AFF1: variants seen among roughly 807,000 people sequenced by gnomAD.
AFF1 encodes the protein ALF transcription elongation factor 1, also known as AF4/FMR2 family member 1.
In AFF1, 48 loss-of-function variants were observed where a neutral mutation model predicts 121.7. The observed-to-expected ratio is 0.39, with a 90% CI of 0.31 to 0.50. The LOEUF (loss-of-function observed/expected upper bound fraction) is 0.50. Ranked by LOEUF, AFF1 falls within the 20% of genes least tolerant of loss-of-function variation. The pLI is 0.76. For synonymous variants in AFF1, 613 were observed against 563.0 expected, an observed-to-expected ratio of 1.09 and a Z score of -1.26; for missense variants, 1,523 against 1,511.7, an observed-to-expected ratio of 1.01 and a Z score of -0.12.
At chr4:87,053,789 T>C (rs1731492235) in intron 4 of AFF1, among the ~76,000 whole-genome samples, 1 of 152,228 alleles carries the variant, frequency 6.6e-6, no homozygotes, top group African/African-American at 2.4e-5. Flanking sequence ...ATTAGTCAAG[T>C]AATCACTCAG....
chr4:87,125,084 G>A lies in AFF1; in HGVS notation c.2514G>A (p.Lys838=), dbSNP rs927311392. 3 of 1,610,114 alleles carry A rather than the reference G, an allele frequency of 1.9e-6. No individual in the cohort carries two copies. The highest frequency in any genetic ancestry group is 2.2e-5 in the South Asian group (2 of 90,388). The change falls in exon 13 of 21, where the codon AAG becomes AAA. Residue 838 remains lysine (K), a synonymous_variant. Coordinates refer to ENST00000395146, the MANE Select transcript of AFF1 (RefSeq NM_001166693.3). The part of the protein sequence containing the change: ...DCDNKKIRLE[K]EIKSQSSSSS... ...ATAACAAGAAAATCAGACTGGAGAA[G>A]GAAATCAAATCACAGTCATCTTCAT...
At chr4:87,038,357 A>G (rs2149596194) in intron 2 of AFF1, among the ~76,000 whole-genome samples, 1 of 152,332 alleles carries the variant, frequency 6.6e-6, no homozygotes, top group East Asian at 1.9e-4. Context: ...TCCTGCCTTC[A>G]GACATGGAGT....
chr4:87,045,276 T>C (rs1323728351), intron 2 of AFF1, among the ~76,000 whole-genome samples: 3 of 152,214 alleles, frequency 2.0e-5, no homozygotes, highest in African/African-American at 7.2e-5. Flanking sequence ...GGAGCAAGTC[T>C]GTGAAGACAG....
intron 2 of AFF1, chr4:86,950,115 C>T (rs1486145708): frequency 4.6e-5 from 74 of 1,611,408 alleles, no homozygotes; most frequent in Non-Finnish European, 5.9e-5. Flanking sequence ...TGAAAGGGAG[C>T]AGGGCAGGGA....
At chr4:86,972,667 A>G (rs1378656576) in intron 2 of AFF1, among the ~76,000 whole-genome samples, 1 of 152,074 alleles carries the variant, frequency 6.6e-6, no homozygotes, top group East Asian at 1.9e-4. Flanking sequence ...CCTCTCAAGT[A>G]GCCAGGATTA....
chr4:87,079,033 C>T (rs1722928787), intron 4 of AFF1, among the ~76,000 whole-genome samples: 1 of 152,090 alleles, frequency 6.6e-6, no homozygotes, highest in African/African-American at 2.4e-5. Flanking sequence ...AGGAAATAGT[C>T]CCAAAGAGGA....
chr4:87,073,967 G>A (rs1324232911), intron 4 of AFF1, among the ~76,000 whole-genome samples: 2 of 151,576 alleles, frequency 1.3e-5, no homozygotes, highest in African/African-American at 4.9e-5. Context: ...TAGAGTGCTC[G>A]TGTGTGTGTG....
chr4:86,960,031 A>G (rs1461927432), intron 2 of AFF1, among the ~76,000 whole-genome samples: 1 of 152,182 alleles, frequency 6.6e-6, no homozygotes, highest in African/African-American at 2.4e-5. Context: ...TCAAAGTGTA[A>G]AAGAATCTCC....
intron 2 of AFF1, among the ~76,000 whole-genome samples, chr4:86,995,644 T>C (rs28676378): frequency 0.94 from 139,536 of 149,168 alleles, 65,597 homozygotes; most frequent in Non-Finnish European, 0.98. Flanking sequence ...AGTGCAGTGG[T>C]GTGATCTCGG....
Position 87,127,137 on chromosome 4 carries a change from C to A in AFF1, c.2903+20C>A. 6 of 1,484,782 alleles carry A rather than the reference C, an allele frequency of 4.0e-6. No individual in the cohort carries two copies. The highest frequency in any genetic ancestry group is 2.3e-5 in the South Asian group (2 of 88,802). 92.0% of individuals were successfully genotyped at this position (1,484,782 alleles called of 1,614,324 possible). A position where few individuals can be genotyped will look rare whatever the true frequency, so the allele number is the denominator to read the frequency against. On this transcript the variant is annotated intron_variant, in intron 15 of 20. Transcript: ENST00000395146. ...TGACAAGTAAGACTTCAGATGATTT[C>A]TTCTTGCTCTGTTTTGTTTTGTTTT... is the stretch of plus-strand genomic sequence containing the variant.
intron 12 of AFF1, among the ~76,000 whole-genome samples, chr4:87,118,230 A>T (rs983856488): frequency 6.6e-6 from 1 of 152,250 alleles, no homozygotes; most frequent in East Asian, 1.9e-4. Flanking sequence ...TTAAAAGTGT[A>T]TGAAGATGAT....
intron 8 of AFF1, among the ~76,000 whole-genome samples, chr4:87,102,163 A>G (rs1725493184): frequency 6.6e-6 from 1 of 152,244 alleles, no homozygotes; most frequent in Admixed American, 6.5e-5. Context: ...TTAAATCTAC[A>G]TGTAAAGAGT....
rs1190787590 is a variant in AFF1 at position 87,127,173 on chromosome 4, C to CCA, written c.2903+57_2903+58insAC. On this transcript the variant is annotated intron_variant, in intron 15 of 20. Transcript: ENST00000395146. ...GTTTTGTTTTGTTTTGCTTCCCCCCCCCACCAAGATAGAGTCTCACTCTGT... is the reference window on the plus strand; with the variant it reads ...GTTTTGTTTTGTTTTGCTTCCCCCCCCACCACCAAGATAGAGTCTCACTCTGT... 10 of 1,296,246 alleles carry CCA rather than the reference C, an allele frequency of 7.7e-6. 2 individuals are homozygous for CCA. Among genetic ancestry groups the CCA allele is most frequent in the East Asian group, 5.2e-5 (2 of 38,222 alleles). The allele number at this position is 1,296,246 out of a possible 1,614,324, so 80.3% of individuals were successfully genotyped here.
At chr4:86,989,245 C>T (rs1267863382) in intron 2 of AFF1, among the ~76,000 whole-genome samples, 2 of 152,170 alleles carry the variant, frequency 1.3e-5, no homozygotes, top group African/African-American at 2.4e-5. Context: ...TCAGAGTGAA[C>T]AGGCAGTCTG....
chr4:86,941,892 A>G (rs1720487938), intron 1 of AFF1, among the ~76,000 whole-genome samples: 1 of 151,962 alleles, frequency 6.6e-6, no homozygotes, highest in South Asian at 2.1e-4. Context: ...AAATATGCAC[A>G]AATACCACAG....
At chr4:87,038,012 C>G (rs530797287) in intron 2 of AFF1, among the ~76,000 whole-genome samples, 25 of 152,104 alleles carry the variant, frequency 1.6e-4, no homozygotes, top group African/African-American at 6.0e-4. Flanking sequence ...AAGACTGAGC[C>G]TTCTGTGGCA....
intron 2 of AFF1, among the ~76,000 whole-genome samples, chr4:86,983,408 C>T (rs1025903143): frequency 6.6e-6 from 1 of 151,992 alleles, no homozygotes; most frequent in Non-Finnish European, 1.5e-5. Context: ...TGCCTGTAGT[C>T]GCAGCTACTC....
intron 2 of AFF1, among the ~76,000 whole-genome samples, chr4:87,027,765 T>C (rs544291500): frequency 6.6e-6 from 1 of 151,624 alleles, no homozygotes; most frequent in Non-Finnish European, 1.5e-5. Context: ...CTGAAACTTT[T>C]TGTTGTTGTT....
chr4:87,134,051 A>G (rs1477268108), intron 19 of AFF1, among the ~76,000 whole-genome samples: 1 of 152,256 alleles, frequency 6.6e-6, no homozygotes, highest in African/African-American at 2.4e-5. Flanking sequence ...GAGATGTTCA[A>G]GTGGTGGCAG....
Sources: allele counts gnomAD v4.1 joint callset (sites outside exome capture counted in the v4.1 genomes callset), GRCh38; gene constraint gnomAD v4.1.1; transcripts MANE v1.5; gene names NCBI Gene and HGNC (gene_info 2026-07-23, HGNC 2026-07-21).